The following PGAP1 variants were observed in gnomAD, a reference collection of about 807,000 sequenced individuals.
PGAP1 encodes the protein post-GPI attachment to proteins inositol deacylase 1, also known as GPI inositol-deacylase.
A neutral mutation model predicts 127.0 loss-of-function variants in PGAP1; 76 were observed. The observed-to-expected ratio is 0.60, with a 90% CI of 0.50 to 0.72. The LOEUF is 0.72. PGAP1 is among the 30% of genes least tolerant of loss of function. PGAP1 has a pLI of 0.00. For missense variants in PGAP1, 982 were observed against 1,071.3 expected (o/e 0.92, Z 1.16); for synonymous variants, 362 against 366.5 (o/e 0.99, Z 0.14).
intron 19 of PGAP1, among the ~76,000 whole-genome samples, chr2:196,870,417 C>T (rs1255914423): frequency 2.6e-5 from 4 of 151,816 alleles, no homozygotes; most frequent in Non-Finnish European, 4.4e-5. Context: ...ATGCCTCAGC[C>T]TCTTGAGTAG....
intron 13 of PGAP1, among the ~76,000 whole-genome samples, chr2:196,879,104 C>T (rs1701648568): frequency 6.6e-6 from 1 of 152,058 alleles, no homozygotes; most frequent in South Asian, 2.1e-4. Context: ...ATTATGTTGA[C>T]CGGGCTGCAG....
rs933764486 is a variant in PGAP1, at chr2:196,893,166, T to C, written c.1007A>G (p.Asn336Ser). 6.3e-7 allele frequency: 1 copy of C among 1,595,776 alleles called. No homozygotes were observed. The highest frequency in any genetic ancestry group is 2.3e-5 in the East Asian group (1 of 44,224). ...IRHPSKHFEE[N>S]PAIISDLTGT... The stretch of plus-strand genomic sequence containing the variant: ...TGTTAAGTCAGAAATTATAGCTGGA[T>C]TTTCCTCAAAATGTTTTGATGGGTG... The change falls in exon 8 of 27, where the codon AAT (asparagine) becomes AGT (serine). Residue 336 changes from asparagine to serine, a missense_variant. Transcript: ENST00000354764.
At chr2:196,851,699 G>T (rs2125782516) in intron 20 of PGAP1, among the ~76,000 whole-genome samples, 1 of 152,202 alleles carries the variant, frequency 6.6e-6, no homozygotes, top group South Asian at 2.1e-4. Context: ...GGAGCTCTCT[G>T]CTTCCACGGC....
intron 4 of PGAP1, among the ~76,000 whole-genome samples, chr2:196,903,510 G>A (rs961502278): frequency 6.9e-5 from 10 of 145,172 alleles, no homozygotes; most frequent in African/African-American, 2.3e-4. Flanking sequence ...GCAGTGAGCC[G>A]AGATTGTGCT....
At chr2:196,863,091 A>G (rs775540720) in intron 20 of PGAP1, among the ~76,000 whole-genome samples, 2 of 152,224 alleles carry the variant, frequency 1.3e-5, no homozygotes, top group African/African-American at 2.4e-5. Flanking sequence ...GGATACGGAA[A>G]AAGGGGAATG....
rs1702539427 is a variant in PGAP1 at position 196,902,736 on chromosome 2, T to C, written c.656A>G (p.Tyr219Cys). The C allele has an allele frequency of 3.1e-6, 5 of 1,601,622 alleles. No homozygotes were observed. The highest frequency in any genetic ancestry group is 4.3e-6 in the Non-Finnish European group (5 of 1,174,136). Residue 219 changes from tyrosine (Y) to cysteine (C), a missense_variant, in exon 5 of 27, where the codon TAT (tyrosine) becomes TGT (cysteine). Coordinates refer to ENST00000354764, the MANE Select transcript of PGAP1 (RefSeq NM_024989.4). Reference sequence around the variant, plus strand: ...AATCCAATAGTTGTTTACAGTCGTATAAAAATCTGGTGGGGAATAAAAAAG... The same window carrying C: ...AATCCAATAGTTGTTTACAGTCGTACAAAAATCTGGTGGGGAATAAAAAAG... ...MPLDRFITDF[Y>C]TTVNNYWILN...
intron 19 of PGAP1, among the ~76,000 whole-genome samples, chr2:196,868,397 CAGCTGGGT>C (rs1359037092): frequency 6.7e-6 from 1 of 148,758 alleles, no homozygotes; most frequent in Non-Finnish European, 1.5e-5. Flanking sequence ...GCTACAGATA[CAGCTGGGT>C]ATATAAGATA....
chr2:196,906,080 G>C (rs1479240915), intron 4 of PGAP1, among the ~76,000 whole-genome samples: 3 of 51,660 alleles, frequency 5.8e-5, no homozygotes, highest in Admixed American at 2.3e-4. Context: ...CAGGAAGCTC[G>C]AACTGGGTGG....
chr2:196,900,721 C>G (rs901940866), intron 5 of PGAP1, among the ~76,000 whole-genome samples: 1 of 152,024 alleles, frequency 6.6e-6, no homozygotes, highest in Non-Finnish European at 1.5e-5. Context: ...GTCAGGAGAT[C>G]GAGACCATCC....
At chr2:196,922,200 A>C in intron 1 of PGAP1, 1 of 1,295,898 alleles carries the variant, frequency 7.7e-7, no homozygotes, top group Non-Finnish European at 1.0e-6. Context: ...CATAAACTCA[A>C]AAGGTAAAAA....
chr2:196,848,295 TCCA>T, intron 20 of PGAP1, among the ~76,000 whole-genome samples: 1 of 152,102 alleles, frequency 6.6e-6, no homozygotes, highest in Non-Finnish European at 1.5e-5. Flanking sequence ...TTCACAAAGC[TCCA>T]CAAGTGATTT....
intron 20 of PGAP1, among the ~76,000 whole-genome samples, chr2:196,848,722 T>C (rs1700630739): frequency 6.6e-6 from 1 of 152,214 alleles, no homozygotes; most frequent in South Asian, 2.1e-4. Context: ...GACATTTGGG[T>C]TGTTTCTGCT....
chr2:196,896,991 G>T (rs1045508607), intron 7 of PGAP1, 140 bp downstream of exon 7: 10 of 476,678 alleles, frequency 2.1e-5, no homozygotes, highest in Non-Finnish European at 3.4e-5. Flanking sequence ...TTTCCATTTT[G>T]GAACTAATTA....
At chr2:196,842,848 C>T in intron 25 of PGAP1, 23 bp from the exon 26 acceptor site, 2 of 1,176,050 alleles carry the variant, frequency 1.7e-6, no homozygotes, top group South Asian at 1.5e-5. Context: ...AAAAAGAAAC[C>T]CACAAATCAA....
intron 26 of PGAP1, 102 bp from the exon 27 acceptor site, chr2:196,841,474 T>G: frequency 4.9e-6 from 4 of 821,112 alleles, no homozygotes; most frequent in Non-Finnish European, 7.4e-6. Context: ...ATATTCTAAG[T>G]GAATTTAAAT....
intron 20 of PGAP1, among the ~76,000 whole-genome samples, chr2:196,860,164 A>G (rs1158573073): frequency 6.6e-6 from 1 of 152,218 alleles, no homozygotes; most frequent in Admixed American, 6.5e-5. Flanking sequence ...TGAACTCAGT[A>G]AAAGTTTCAA....
chr2:196,925,181 G>C (rs965613662), intron 1 of PGAP1, among the ~76,000 whole-genome samples: 4 of 152,104 alleles, frequency 2.6e-5, no homozygotes, highest in Non-Finnish European at 4.4e-5. Context: ...ACCAAGGTAA[G>C]GATCTAAACA....
chr2:196,864,415 AG>A (rs1701170470), intron 20 of PGAP1, among the ~76,000 whole-genome samples: 1 of 149,318 alleles, frequency 6.7e-6, no homozygotes, highest in Non-Finnish European at 1.5e-5. Context: ...AAAAAAAAAA[AG>A]GCATTTGATA....
chr2:196,877,799 C>A (rs1299706976), intron 13 of PGAP1, among the ~76,000 whole-genome samples: 1 of 152,052 alleles, frequency 6.6e-6, no homozygotes, highest in East Asian at 1.9e-4. Flanking sequence ...TAAACATTTT[C>A]TTGAGCATTT....
Sources: allele counts gnomAD v4.1 joint callset (sites outside exome capture counted in the v4.1 genomes callset), GRCh38; gene constraint gnomAD v4.1.1; transcripts MANE v1.5; gene names NCBI Gene and HGNC (gene_info 2026-07-23, HGNC 2026-07-21).